RTCB: variants seen among roughly 807,000 people sequenced by gnomAD.
The protein encoded by RTCB is RNA-splicing ligase RTCB.
In RTCB, 32 loss-of-function variants were observed where a neutral mutation model predicts 58.2. The ratio of observed to expected loss-of-function variants is 0.55; its 90% CI spans 0.41 to 0.74. The LOEUF is 0.74. Among genes scored for constraint, RTCB ranks in the 30% least tolerant of loss-of-function variants. The pLI is 0.00. For missense variants in RTCB, 523 were observed against 639.0 expected (o/e 0.82, Z 1.96); for synonymous variants, 247 against 218.6 (o/e 1.13, Z -1.15).
chr22:32,402,445 A>T (rs147763334), intron 4 of RTCB, among the ~76,000 whole-genome samples: 1 of 152,186 alleles, frequency 6.6e-6, no homozygotes, highest in East Asian at 1.9e-4. Context: ...TTTTAGACAT[A>T]AGTACTTTTA....
intron 11 of RTCB, among the ~76,000 whole-genome samples, chr22:32,391,365 C>G (rs529381392): frequency 6.6e-6 from 1 of 150,428 alleles, no homozygotes; most frequent in East Asian, 1.9e-4. Flanking sequence ...TTAAAAAAAG[C>G]ATTTAGGAAA....
chr22:32,388,290 T>C (rs554993109), intron 11 of RTCB, among the ~76,000 whole-genome samples, 191 bp from the exon 12 acceptor site: 4 of 151,204 alleles, frequency 2.6e-5, no homozygotes, highest in Non-Finnish European at 1.5e-5. Context: ...CAAAACACTT[T>C]CACCTTTTTT....
chr22:32,395,517 A>G (rs1933230788), intron 8 of RTCB, among the ~76,000 whole-genome samples: 1 of 152,122 alleles, frequency 6.6e-6, no homozygotes, highest in South Asian at 2.1e-4. Flanking sequence ...TTTATTCTCT[A>G]TGCTGTTCAA....
At chr22:32,395,616 T>C (rs976281546) in intron 8 of RTCB, among the ~76,000 whole-genome samples, 1 of 152,242 alleles carries the variant, frequency 6.6e-6, no homozygotes, top group Non-Finnish European at 1.5e-5. Context: ...ACCAAAACCT[T>C]GGACACTTCT....
rs140339191 is a variant in RTCB at position 32,410,093 on chromosome 22, G to A, written c.94-1260C>T. On this transcript the variant is annotated intron_variant, in intron 1 of 11. Coordinates refer to ENST00000216038, the MANE Select transcript of RTCB (RefSeq NM_014306.5). ...AGCCTCCCAAAGTGCTGGGATTGCA[G>A]GCGTGAGCCACCGCACCCAGCCAGT... Among the ~76,000 whole-genome samples, 402 of 152,336 alleles carry A rather than the reference G, an allele frequency of 2.6e-3. 3 individuals are homozygous for A. Among genetic ancestry groups the A allele is most frequent in the Admixed American group, 0.016 (245 of 15,294 alleles).
intron 4 of RTCB, among the ~76,000 whole-genome samples, chr22:32,403,938 C>T (rs1933379709): frequency 6.6e-6 from 1 of 152,180 alleles, no homozygotes; most frequent in Admixed American, 6.5e-5. Context: ...GTAGTATTTT[C>T]GTTTCTGTGT....
At position 32,387,910 on chromosome 22, in the gene RTCB, A is replaced by T. The variant is rs942065997; in HGVS notation, c.*82T>A. ...ACACTTTGCAACTTGTCCCGCCTTG[A>T]GTCTGATGTCAGAAGAGCATGTCAG... On this transcript the variant is annotated 3_prime_UTR_variant, in exon 12 of 12. Transcript: ENST00000216038. 5 of 922,316 alleles carry T rather than the reference A, an allele frequency of 5.4e-6. No homozygotes were observed. The highest frequency in any genetic ancestry group is 8.8e-6 in the Non-Finnish European group (5 of 564,990). The allele number at this position is 922,316 out of a possible 1,614,324, so 57.1% of individuals were successfully genotyped here.
At chr22:32,408,923 G>A in intron 1 of RTCB, 90 bp from the exon 2 acceptor site, 1 of 906,422 alleles carries the variant, frequency 1.1e-6, no homozygotes, top group Non-Finnish European at 1.8e-6. Flanking sequence ...AATATTTACT[G>A]TGCTTTACTC....
chr22:32,395,321 A>G (rs1933227753), intron 8 of RTCB, 107 bp from the exon 9 acceptor site: 7 of 902,796 alleles, frequency 7.8e-6, no homozygotes, highest in Non-Finnish European at 1.2e-5. Context: ...AAGGGAGTAA[A>G]AGATTTAAAA....
chr22:32,410,557 T>A (rs1933502579), intron 1 of RTCB, among the ~76,000 whole-genome samples: 1 of 152,124 alleles, frequency 6.6e-6, no homozygotes, highest in Non-Finnish European at 1.5e-5. Flanking sequence ...TAAAGTGCTG[T>A]ATACAAACTT....
chr22:32,409,510 T>A (rs895264966), intron 1 of RTCB, among the ~76,000 whole-genome samples: 1 of 152,242 alleles, frequency 6.6e-6, no homozygotes, highest in Non-Finnish European at 1.5e-5. Context: ...AGCAGAACAT[T>A]TTTATCACAG....
At chr22:32,397,413 T>G (rs1175051481) in intron 7 of RTCB, among the ~76,000 whole-genome samples, 2 of 152,264 alleles carry the variant, frequency 1.3e-5, no homozygotes, top group Non-Finnish European at 2.9e-5. Context: ...GTGTTTTGTT[T>G]GACTCTCCTA....
intron 1 of RTCB, among the ~76,000 whole-genome samples, chr22:32,411,163 C>G (rs1933516216): frequency 6.6e-6 from 1 of 152,168 alleles, no homozygotes; most frequent in South Asian, 2.1e-4. Flanking sequence ...AGCTTTGATT[C>G]TGAATAAAAG....
rs1002691728 is a variant in RTCB at position 32,387,673 on chromosome 22, T to C, written c.*319A>G. Reference sequence around the variant, plus strand: ...GTGTGAAGAAGATCAATCTGATGGCTAAAGATCAGTATGACTGCGTAAGGC... The same window carrying C: ...GTGTGAAGAAGATCAATCTGATGGCCAAAGATCAGTATGACTGCGTAAGGC... On this transcript the variant is annotated 3_prime_UTR_variant, in exon 12 of 12. Coordinates refer to ENST00000216038, the MANE Select transcript of RTCB (RefSeq NM_014306.5). 3.4e-5 allele frequency: 8 copies of C among 235,894 alleles called. No individual in the cohort carries two copies. The South Asian group carries it at 3.9e-4, about 11-fold the overall frequency. The allele number at this position is 235,894 out of a possible 1,614,324, so 14.6% of individuals were successfully genotyped here.
At chr22:32,411,988 T>G (rs1933534453) in intron 1 of RTCB, 76 bp downstream of exon 1, 2 of 1,126,638 alleles carry the variant, frequency 1.8e-6, no homozygotes, top group Non-Finnish European at 2.6e-6. Flanking sequence ...TCAGGGGAGG[T>G]CCAGAGGGCG....
At chr22:32,407,601 C>T (rs570261777) in intron 3 of RTCB, 2 of 152,266 alleles carry the variant, frequency 1.3e-5, no homozygotes, top group African/African-American at 4.8e-5. Flanking sequence ...ATGAAACTTA[C>T]AATGGTGGTG....
At position 32,395,013 on chromosome 22, in the gene RTCB, T is replaced by C. The variant is rs748372409; in HGVS notation, c.1179+13A>G. On this transcript the variant is annotated intron_variant, in intron 9 of 11. Coordinates refer to ENST00000216038, the MANE Select transcript of RTCB (RefSeq NM_014306.5). ...CCCCCACTGCTTAAAACTACAAACG[T>C]AGAGCTACGTACTTGGTAATCAACA... 3.8e-6 allele frequency: 6 copies of C among 1,599,782 alleles called. No individual in the cohort carries two copies. The highest frequency in any genetic ancestry group is 4.5e-5 in the East Asian group (2 of 44,532).
At chr22:32,395,266 C>A in intron 8 of RTCB, 52 bp from the exon 9 acceptor site, 2 of 1,516,838 alleles carry the variant, frequency 1.3e-6, no homozygotes, top group South Asian at 1.2e-5. Flanking sequence ...GACTTATGTT[C>A]AGCTCTTCGT....
chr22:32,406,471 C>T (rs554361517), intron 4 of RTCB, among the ~76,000 whole-genome samples, 191 bp downstream of exon 4: 1 of 152,150 alleles, frequency 6.6e-6, no homozygotes, highest in East Asian at 1.9e-4. Context: ...TACAGGTGCG[C>T]GTCACCACCC....
Sources: gnomAD v4.1 joint callset for allele counts (sites outside exome capture counted in the v4.1 genomes callset) on GRCh38, gnomAD v4.1.1 for gene constraint, MANE v1.5 for transcripts, NCBI Gene and HGNC (gene_info 2026-07-23, HGNC 2026-07-21) for gene names.